NRXN3: variants seen among roughly 807,000 people sequenced by gnomAD.
NRXN3 encodes neurexin III.
Under a neutral mutation model 137.6 loss-of-function variants are expected in NRXN3, and 32 were observed. The observed-to-expected ratio is 0.23, with a 90% CI of 0.18 to 0.31. The LOEUF (loss-of-function observed/expected upper bound fraction) is 0.31. NRXN3 is among the 10% of genes least tolerant of loss of function. NRXN3 has a pLI of 1.00. For missense variants in NRXN3, 1,574 were observed against 2,062.5 expected (o/e 0.76, Z 4.59); for synonymous variants, 798 against 784.5 (o/e 1.02, Z -0.29).
intron 5 of NRXN3, among the ~76,000 whole-genome samples, chr14:78,648,148 C>T (rs989361649): frequency 3.3e-5 from 5 of 152,178 alleles, no homozygotes. Context: ...ATGTGGACTA[C>T]CTGTATCTAT....
intron 14 of NRXN3, among the ~76,000 whole-genome samples, chr14:78,968,779 GCATTATTTA>G (rs2153003116): frequency 6.6e-6 from 1 of 152,290 alleles, no homozygotes; most frequent in East Asian, 1.9e-4. Context: ...GATAGTGACT[GCATTATTTA>G]ATGCAAATCT....
chr14:78,967,498 T>C lies in NRXN3; in HGVS notation c.2968+100T>C, dbSNP rs879121998. 30 of 798,584 alleles carry C rather than the reference T, an allele frequency of 3.8e-5. No individual in the cohort carries two copies. In the East Asian group the frequency reaches 5.1e-4, roughly 14 times the overall value. The allele number at this position is 798,584 out of a possible 1,614,324, so 49.5% of individuals were successfully genotyped here. ...ACAGGTTCAGAGTGCCATGCATTTT[T>C]GATACATCATCCATATCCTGTTTTA... is the stretch of plus-strand genomic sequence containing the variant. On this transcript the variant is annotated intron_variant, in intron 13 of 20. Coordinates refer to ENST00000335750, the MANE Select transcript of NRXN3 (RefSeq NM_001330195.2).
intron 4 of NRXN3, among the ~76,000 whole-genome samples, chr14:78,440,225 G>A (rs954403853): frequency 1.3e-5 from 2 of 152,174 alleles, no homozygotes; most frequent in African/African-American, 4.8e-5. Flanking sequence ...GAAGAGAGGT[G>A]GCAGCCATAT....
At chr14:79,329,756 A>C (rs2091416096) in intron 15 of NRXN3, among the ~76,000 whole-genome samples, 1 of 152,194 alleles carries the variant, frequency 6.6e-6, no homozygotes, top group Admixed American at 6.5e-5. Flanking sequence ...GCCAATTATG[A>C]AAGCATGGAT....
chr14:79,023,671 T>C (rs1019200258), intron 15 of NRXN3, among the ~76,000 whole-genome samples: 5 of 152,128 alleles, frequency 3.3e-5, no homozygotes, highest in African/African-American at 1.2e-4. Context: ...AAGAAAGGCA[T>C]CTTCTTCACA....
At chr14:79,007,907 G>A (rs1594848403) in intron 15 of NRXN3, among the ~76,000 whole-genome samples, 1 of 151,794 alleles carries the variant, frequency 6.6e-6, no homozygotes, top group Non-Finnish European at 1.5e-5. Flanking sequence ...GAGAAGGTAG[G>A]TACAAGGTTG....
intron 4 of NRXN3, among the ~76,000 whole-genome samples, chr14:78,317,347 C>T (rs1423623350): frequency 1.3e-5 from 2 of 152,150 alleles, no homozygotes; most frequent in African/African-American, 4.8e-5. Context: ...AGCATTATCG[C>T]CTAAGTTCCG....
intron 16 of NRXN3, among the ~76,000 whole-genome samples, chr14:79,649,699 C>G (rs1455820899): frequency 6.6e-6 from 1 of 151,972 alleles, no homozygotes; most frequent in African/African-American, 2.4e-5. Context: ...ATTTTTAGGC[C>G]AATTTTCTAT....
intron 15 of NRXN3, among the ~76,000 whole-genome samples, chr14:79,375,959 T>A (rs1294767963): frequency 6.6e-6 from 1 of 150,714 alleles, no homozygotes; most frequent in South Asian, 2.1e-4. Context: ...TAGAAAATAA[T>A]GTATGAGCAT....
intron 1 of NRXN3, among the ~76,000 whole-genome samples, chr14:78,232,106 GGT>G (rs2065499388): frequency 6.6e-6 from 1 of 152,228 alleles, no homozygotes; most frequent in African/African-American, 2.4e-5. Context: ...CAGGAGGTGT[GGT>G]CTGTGCCTCA....
intron 15 of NRXN3, among the ~76,000 whole-genome samples, chr14:79,328,106 A>G (rs549016936): frequency 8.3e-4 from 126 of 152,330 alleles, no homozygotes; most frequent in African/African-American, 3.0e-3. Flanking sequence ...CACATCCTGC[A>G]CATGTATCCT....
chr14:78,932,163 A>AT (rs934381323), intron 10 of NRXN3, among the ~76,000 whole-genome samples: 2 of 152,158 alleles, frequency 1.3e-5, no homozygotes, highest in African/African-American at 2.4e-5. Flanking sequence ...TAATTAATTA[A>AT]TTTTTTTAAA....
chr14:79,681,063 G>A lies in NRXN3; in HGVS notation c.3617-11110G>A, dbSNP rs114192177. ...CCCTCAGCCTTACCCTCTCCTCTCA[G>A]GAACTGCATTATTGCATCTCTTCTT... is the stretch of plus-strand genomic sequence containing the variant. On this transcript the variant is annotated intron_variant, in intron 17 of 20. Transcript: ENST00000335750. 6.7e-3 allele frequency among the ~76,000 whole-genome samples: 1,015 copies of A among 152,208 alleles called. 12 individuals carry two copies. Among genetic ancestry groups the A allele is most frequent in the African/African-American group, 0.023 (947 of 41,516 alleles).
chr14:79,457,286 A>G (rs561656173), intron 15 of NRXN3, among the ~76,000 whole-genome samples: 21 of 152,310 alleles, frequency 1.4e-4, no homozygotes, highest in African/African-American at 4.8e-4. Context: ...CTATAGTCAA[A>G]AAACAAACAA....
chr14:78,974,060 T>C (rs963915496), intron 14 of NRXN3, among the ~76,000 whole-genome samples: 1 of 151,994 alleles, frequency 6.6e-6, no homozygotes, highest in Non-Finnish European at 1.5e-5. Flanking sequence ...AATATATATT[T>C]AAATTAAATA....
At chr14:78,429,002 T>G (rs567059328) in intron 4 of NRXN3, among the ~76,000 whole-genome samples, 2 of 152,150 alleles carry the variant, frequency 1.3e-5, no homozygotes, top group South Asian at 4.2e-4. Flanking sequence ...ACCAATCTTA[T>G]CCTTAACCCT....
At chr14:78,631,910 A>G (rs1268435472) in intron 4 of NRXN3, among the ~76,000 whole-genome samples, 1 of 152,016 alleles carries the variant, frequency 6.6e-6, no homozygotes, top group African/African-American at 2.4e-5. Context: ...GATCAAGACC[A>G]TCCTGGCTAA....
chr14:78,596,019 G>C (rs893796102), intron 4 of NRXN3, among the ~76,000 whole-genome samples: 11 of 152,052 alleles, frequency 7.2e-5, no homozygotes, highest in African/African-American at 2.7e-4. Flanking sequence ...TAGAGACCTG[G>C]GATGAGGTTC....
chr14:79,132,036 C>A (rs940285093), intron 15 of NRXN3, among the ~76,000 whole-genome samples: 7 of 152,270 alleles, frequency 4.6e-5, no homozygotes, highest in African/African-American at 1.2e-4. Flanking sequence ...CCTGCTTCAG[C>A]TCACGCACGG....
Sources: gnomAD v4.1 joint callset for allele counts (sites outside exome capture counted in the v4.1 genomes callset) on GRCh38, gnomAD v4.1.1 for gene constraint, MANE v1.5 for transcripts, NCBI Gene and HGNC (gene_info 2026-07-23, HGNC 2026-07-21) for gene names.